SYNE2: variants seen among roughly 807,000 people sequenced by gnomAD.
The protein encoded by SYNE2 is spectrin repeat containing nuclear envelope protein 2.
SYNE2 carries 431 observed loss-of-function variants against 856.3 expected under a neutral mutation model. The ratio of observed to expected loss-of-function variants is 0.50; its 90% CI spans 0.47 to 0.55. SYNE2 has a LOEUF of 0.55. Among genes scored for constraint, SYNE2 ranks in the 20% least tolerant of loss-of-function variants. The pLI is 0.00. For missense variants in SYNE2, 8,129 were observed against 8,023.2 expected (o/e 1.01, Z -0.50); for synonymous variants, 2,923 against 2,872.3 (o/e 1.02, Z -0.56).
At chr14:64,036,884 A>G (rs1486304562) in intron 45 of SYNE2, among the ~76,000 whole-genome samples, 2 of 152,194 alleles carry the variant, frequency 1.3e-5, no homozygotes, top group East Asian at 3.8e-4. Context: ...TCTGTTCTCA[A>G]AGAGCTTCTA....
intron 64 of SYNE2, among the ~76,000 whole-genome samples, chr14:64,104,388 C>T (rs1330859602): frequency 4.0e-5 from 6 of 151,296 alleles, no homozygotes; most frequent in East Asian, 1.9e-4. Context: ...CTTTCTCTTT[C>T]GTCTGTGATG....
At chr14:63,980,827 T>C (rs1162335585) in intron 15 of SYNE2, 95 bp downstream of exon 15, 4 of 1,125,430 alleles carry the variant, frequency 3.6e-6, no homozygotes, top group South Asian at 2.8e-5. Flanking sequence ...AGAAATTAGT[T>C]TTATGTGCAT....
At chr14:63,815,774 G>C (rs1888955687) in intron 1 of SYNE2, among the ~76,000 whole-genome samples, 1 of 151,954 alleles carries the variant, frequency 6.6e-6, no homozygotes, top group Admixed American at 6.6e-5. Flanking sequence ...GGGCCACTCA[G>C]AAAATTCACT....
chr14:63,922,210 G>A (rs1182198573), intron 2 of SYNE2, among the ~76,000 whole-genome samples: 1 of 152,086 alleles, frequency 6.6e-6, no homozygotes, highest in Non-Finnish European at 1.5e-5. Flanking sequence ...TCACCTGGTT[G>A]CCCAGGCTGG....
At chr14:63,947,772 G>A (rs2153426433) in intron 6 of SYNE2, among the ~76,000 whole-genome samples, 1 of 152,234 alleles carries the variant, frequency 6.6e-6, no homozygotes, top group South Asian at 2.1e-4. Context: ...GGGAGGCGGA[G>A]GTTGCGGTGA....
In SYNE2 at chr14:63,982,701, C is replaced by T. The variant is rs201309132; in HGVS notation, c.1908C>T (p.Val636=). The T allele has an allele frequency of 1.2e-5, 19 of 1,613,710 alleles. No individual in the cohort carries two copies. In the African/African-American group the frequency reaches 1.7e-4, roughly 15 times the overall value. The part of the protein sequence containing the change: ...ATLNEAGNFL[V]EVSNDVVGSS... Reference sequence around the variant, plus strand: ...TAAATGAAGCAGGAAATTTCTTAGTCGAAGTCAGCAATGATGTGGTTGGAT... The same window carrying T: ...TAAATGAAGCAGGAAATTTCTTAGTTGAAGTCAGCAATGATGTGGTTGGAT... Residue 636 remains valine (V), a synonymous_variant, in exon 17 of 116, where the codon GTC becomes GTT. Transcript: ENST00000555002.
intron 1 of SYNE2, among the ~76,000 whole-genome samples, chr14:63,825,729 G>C (rs1889404025): frequency 6.6e-6 from 1 of 152,030 alleles, no homozygotes; most frequent in African/African-American, 2.4e-5. Flanking sequence ...ACAAAAATTA[G>C]CTGGGAATGG....
chr14:64,086,562 A>T (rs1346105360), intron 57 of SYNE2, among the ~76,000 whole-genome samples: 2 of 152,178 alleles, frequency 1.3e-5, no homozygotes, highest in Non-Finnish European at 2.9e-5. Context: ...GTGGGATTGC[A>T]TTAGATTTGT....
intron 1 of SYNE2, among the ~76,000 whole-genome samples, chr14:63,820,750 C>CTTTTT (rs201007276): frequency 7.1e-6 from 1 of 140,392 alleles, no homozygotes; most frequent in Non-Finnish European, 1.6e-5. Flanking sequence ...CACAGGAGAA[C>CTTTTT]TTTTTTTTTT....
chr14:64,097,915 T>G, intron 61 of SYNE2, 34 bp from the exon 62 acceptor site: 1 of 1,612,490 alleles, frequency 6.2e-7, no homozygotes, highest in South Asian at 1.1e-5. Flanking sequence ...GGCCTCAGAC[T>G]TCTCAAACCT....
At position 64,188,713 on chromosome 14, in the gene SYNE2, G is replaced by A. The variant is rs746371858; in HGVS notation, c.17871+5G>A. On this transcript the variant is annotated splice_donor_5th_base_variant and intron_variant, in intron 98 of 115. Coordinates refer to ENST00000555002, the MANE Select transcript of SYNE2 (RefSeq NM_182914.3). ...ATGATTGAAAAGTTACAGAAGGTAAGGGAGGACACCCAGGTGGATGTAGTT... is the reference window on the plus strand; with the variant it reads ...ATGATTGAAAAGTTACAGAAGGTAAAGGAGGACACCCAGGTGGATGTAGTT... 1 of 1,614,076 alleles carries A rather than the reference G, an allele frequency of 6.2e-7. No homozygotes were observed. Among genetic ancestry groups the A allele is most frequent in the South Asian group, 1.1e-5 (1 of 91,078 alleles).
At position 64,051,590 on chromosome 14, in the gene SYNE2, A is replaced by G; in HGVS notation, c.7677A>G (p.Lys2559=). ...GPLDSVTYLD[K]IKKFIASIEK... ...TGGACAGTGTAACGTATCTGGACAA[A>G]ATTAAAAAATTCATAGCATCCATAG... Residue 2559 remains lysine, a synonymous_variant, in exon 48 of 116, where the codon AAA becomes AAG. Transcript: ENST00000555002. 6.2e-7 allele frequency: 1 copy of G among 1,613,592 alleles called. No individual in the cohort carries two copies. Among genetic ancestry groups the G allele is most frequent in the East Asian group, 2.2e-5 (1 of 44,874 alleles).
intron 105 of SYNE2, among the ~76,000 whole-genome samples, chr14:64,213,958 TC>T (rs1472156315): frequency 2.0e-5 from 3 of 152,202 alleles, no homozygotes; most frequent in African/African-American, 7.2e-5. Flanking sequence ...AGCTTTTTTT[TC>T]CTAAGAAAAA....
rs1261653110 is a variant in SYNE2 at position 64,191,034 on chromosome 14, G to C, written c.18038+797G>C. 5 of 702,158 alleles carry C rather than the reference G, an allele frequency of 7.1e-6. No homozygotes were observed. In the African/African-American group the frequency reaches 8.7e-5, roughly 12 times the overall value. The allele number at this position is 702,158 out of a possible 1,614,324, so 43.5% of individuals were successfully genotyped here. A position where few individuals can be genotyped will look rare whatever the true frequency, so the allele number is the denominator to read the frequency against. ...GGCCACACGGGTCCTTTCCATAGCA[G>C]TGTGCTCAGATGTTTTGAACAACAC... On this transcript the variant is annotated intron_variant, in intron 99 of 115. Coordinates refer to ENST00000555002, the MANE Select transcript of SYNE2 (RefSeq NM_182914.3).
chr14:64,066,943 T>C (rs2097362810), intron 51 of SYNE2, among the ~76,000 whole-genome samples: 1 of 152,250 alleles, frequency 6.6e-6, no homozygotes, highest in Non-Finnish European at 1.5e-5. Flanking sequence ...CTCACTGCTG[T>C]AACCTTGGAA....
chr14:63,998,199 T>C lies in SYNE2; in HGVS notation c.3244-20T>C. The C allele has an allele frequency of 6.6e-7, 1 of 1,520,706 alleles. No homozygotes were observed. The highest frequency in any genetic ancestry group is 9.1e-7 in the Non-Finnish European group (1 of 1,094,702). The allele number at this position is 1,520,706 out of a possible 1,614,324, so 94.2% of individuals were successfully genotyped here. A position where few individuals can be genotyped will look rare whatever the true frequency, so the allele number is the denominator to read the frequency against. On this transcript the variant is annotated intron_variant, in intron 25 of 115. Coordinates refer to ENST00000555002, the MANE Select transcript of SYNE2 (RefSeq NM_182914.3). ...AGTATGTTTAAGATATTTCGTTTAC[T>C]ATTTTGCATATTCCCTTAGGCAATG...
At chr14:64,033,721 T>C (rs1161703267) in intron 45 of SYNE2, among the ~76,000 whole-genome samples, 1 of 152,054 alleles carries the variant, frequency 6.6e-6, no homozygotes, top group Non-Finnish European at 1.5e-5. Flanking sequence ...AAAAATTTAT[T>C]ATGCTTTTAA....
At chr14:64,112,296 C>T (rs367902899) in intron 65 of SYNE2, among the ~76,000 whole-genome samples, 4 of 152,308 alleles carry the variant, frequency 2.6e-5, no homozygotes, top group East Asian at 3.9e-4. Flanking sequence ...GATGCTAACA[C>T]GTTAACAAAC....
In SYNE2 at chr14:64,167,641, T is replaced by TA; in HGVS notation, c.16905+5dup. On this transcript the variant is annotated splice_region_variant and intron_variant, in intron 92 of 115. Coordinates refer to ENST00000555002, the MANE Select transcript of SYNE2 (RefSeq NM_182914.3). Reference sequence around the variant, plus strand: ...CTGGAGCAGCAGAAAACCTATAAGGTAAACCTGTGTTCTCTGCCACCCTTG... The same window carrying TA: ...CTGGAGCAGCAGAAAACCTATAAGGTAAAACCTGTGTTCTCTGCCACCCTTG... The TA allele has an allele frequency of 1.2e-6, 2 of 1,614,144 alleles. No homozygotes were observed. The highest frequency in any genetic ancestry group is 1.7e-6 in the Non-Finnish European group (2 of 1,180,008).
Sources: gnomAD v4.1 joint callset for allele counts (sites outside exome capture counted in the v4.1 genomes callset) on GRCh38, gnomAD v4.1.1 for gene constraint, MANE v1.5 for transcripts, NCBI Gene and HGNC (gene_info 2026-07-23, HGNC 2026-07-21) for gene names.